Variants in SPON1 observed in about 807,000 individuals in gnomAD.
SPON1 encodes the protein spondin 1, also known as spondin-1.
In SPON1, 52 loss-of-function variants were observed where a neutral mutation model predicts 111.7. The ratio of observed to expected loss-of-function variants is 0.47; its 90% CI spans 0.37 to 0.59. SPON1 has a LOEUF of 0.59. Among genes scored for constraint, SPON1 ranks in the 20% least tolerant of loss-of-function variants. The pLI is 0.00. For missense variants in SPON1, 957 were observed against 1,068.5 expected, an observed-to-expected ratio of 0.90 and a Z score of 1.46; for synonymous variants, 410 against 395.8, an observed-to-expected ratio of 1.04 and a Z score of -0.43.
intron 6 of SPON1, among the ~76,000 whole-genome samples, chr11:14,154,459 G>A (rs1302860598): frequency 6.6e-6 from 1 of 152,232 alleles, no homozygotes. Context: ...GCCCCGCTTA[G>A]CCATGGCTGG....
chr11:14,106,488 C>T (rs1554924933), intron 5 of SPON1, among the ~76,000 whole-genome samples: 1 of 152,150 alleles, frequency 6.6e-6, no homozygotes, highest in Non-Finnish European at 1.5e-5. Context: ...GAAGGGCCAA[C>T]TATTTATAAT....
intron 2 of SPON1, among the ~76,000 whole-genome samples, chr11:14,032,075 T>A (rs1848563055): frequency 6.6e-6 from 1 of 152,154 alleles, no homozygotes; most frequent in African/African-American, 2.4e-5. Context: ...GTGGACCAAA[T>A]AAGATGAGGT....
intron 2 of SPON1, among the ~76,000 whole-genome samples, chr11:14,024,685 A>G (rs1009341485): frequency 1.3e-5 from 2 of 152,156 alleles, no homozygotes; most frequent in African/African-American, 4.8e-5. Flanking sequence ...GTCTTGGAAA[A>G]TGCAACATTT....
intron 6 of SPON1, among the ~76,000 whole-genome samples, chr11:14,208,297 C>T (rs782243397): frequency 1.6e-4 from 25 of 151,996 alleles, no homozygotes; most frequent in African/African-American, 4.1e-4. Context: ...GTATAACAAA[C>T]GCCAGTGACA....
chr11:14,243,100 T>C (rs1189925756), intron 6 of SPON1, among the ~76,000 whole-genome samples: 2 of 152,202 alleles, frequency 1.3e-5, no homozygotes, highest in Non-Finnish European at 2.9e-5. Context: ...ACCAAAGGTG[T>C]GACTCAGTGG....
At chr11:14,207,063 G>T (rs1374687630) in intron 6 of SPON1, among the ~76,000 whole-genome samples, 1 of 152,104 alleles carries the variant, frequency 6.6e-6, no homozygotes, top group Non-Finnish European at 1.5e-5. Context: ...AGAGAATAGA[G>T]AATTCAGAAA....
intron 15 of SPON1, among the ~76,000 whole-genome samples, chr11:14,263,501 A>ATT (rs149364231): frequency 2.6e-5 from 4 of 151,340 alleles, no homozygotes; most frequent in African/African-American, 9.7e-5. Context: ...AGACTTTATG[A>ATT]TTTTTTTTTG....
At chr11:14,015,027 T>A (rs1243638492) in intron 2 of SPON1, among the ~76,000 whole-genome samples, 1 of 152,168 alleles carries the variant, frequency 6.6e-6, no homozygotes, top group Non-Finnish European at 1.5e-5. Context: ...CTTAACAGAA[T>A]TGTGGGCAGG....
chr11:14,028,039 A>G (rs1554915587), intron 2 of SPON1, among the ~76,000 whole-genome samples: 2 of 152,348 alleles, frequency 1.3e-5, no homozygotes, highest in East Asian at 3.9e-4. Context: ...ACAGTGTGTT[A>G]AATCCAGCGG....
intron 6 of SPON1, among the ~76,000 whole-genome samples, chr11:14,205,451 T>C (rs1242747717): frequency 6.6e-6 from 1 of 152,242 alleles, no homozygotes; most frequent in Non-Finnish European, 1.5e-5. Flanking sequence ...CAAACAATTT[T>C]ATTCAGAAGG....
chr11:14,066,169 T>A (rs1379151598), intron 3 of SPON1, among the ~76,000 whole-genome samples: 1 of 152,176 alleles, frequency 6.6e-6, no homozygotes, highest in Admixed American at 6.5e-5. Context: ...AAAAGTAATT[T>A]TTTAGTAACA....
intron 2 of SPON1, among the ~76,000 whole-genome samples, chr11:14,034,291 A>T (rs546111076): frequency 6.6e-6 from 1 of 152,320 alleles, no homozygotes; most frequent in Non-Finnish European, 1.5e-5. Context: ...ATATGTTTTA[A>T]TTTTCTGTCT....
intron 5 of SPON1, among the ~76,000 whole-genome samples, chr11:14,113,751 C>T (rs1318632502): frequency 1.3e-5 from 2 of 151,152 alleles, no homozygotes; most frequent in African/African-American, 2.4e-5. Flanking sequence ...TACAGGCGCC[C>T]GCCACCACGC....
At chr11:14,193,394 C>G (rs782513282) in intron 6 of SPON1, among the ~76,000 whole-genome samples, 3 of 152,182 alleles carry the variant, frequency 2.0e-5, no homozygotes, top group African/African-American at 4.8e-5. Flanking sequence ...TCATCACTGA[C>G]AGCTTGTGAA....
chr11:13,975,382 A>T (rs1472279849), intron 1 of SPON1, among the ~76,000 whole-genome samples: 4 of 152,208 alleles, frequency 2.6e-5, no homozygotes, highest in African/African-American at 9.7e-5. Flanking sequence ...TTTAAGACAA[A>T]TAAAACCTTT....
At position 14,041,712 on chromosome 11, in the gene SPON1, A is replaced by AG. The variant is rs1332629128; in HGVS notation, c.479+61dup. 1.0e-5 allele frequency: 16 copies of AG among 1,574,096 alleles called. No individual in the cohort carries two copies. In the African/African-American group the frequency reaches 1.7e-4, roughly 16 times the overall value. On this transcript the variant is annotated intron_variant, in intron 3 of 15. Transcript: ENST00000576479. ...ATCAAAGACTTTGTGGTGTGATTGCAGGGAAAAAAAAAAAAGTTCTTTACT... is the reference window on the plus strand; with the variant it reads ...ATCAAAGACTTTGTGGTGTGATTGCAGGGGAAAAAAAAAAAAGTTCTTTACT...
intron 2 of SPON1, among the ~76,000 whole-genome samples, chr11:13,995,434 A>AAGGGGG (rs1554911692): frequency 6.6e-6 from 1 of 152,132 alleles, no homozygotes; most frequent in African/African-American, 2.4e-5. Flanking sequence ...GTAGAAGGCA[A>AAGGGGG]AGGGGGAGCA....
intron 6 of SPON1, among the ~76,000 whole-genome samples, chr11:14,179,571 T>C (rs190631501): frequency 3.7e-4 from 56 of 149,506 alleles, no homozygotes; most frequent in African/African-American, 1.4e-3. Context: ...GGATGAGACA[T>C]ATCTGACTGG....
chr11:14,235,170 T>C (rs961304874), intron 6 of SPON1, among the ~76,000 whole-genome samples: 4 of 152,184 alleles, frequency 2.6e-5, no homozygotes, highest in African/African-American at 9.7e-5. Flanking sequence ...CACTTCACAC[T>C]GCGCTGGCTC....
Sources: gnomAD v4.1 joint callset for allele counts (sites outside exome capture counted in the v4.1 genomes callset) on GRCh38, gnomAD v4.1.1 for gene constraint, MANE v1.5 for transcripts, NCBI Gene and HGNC (gene_info 2026-07-23, HGNC 2026-07-21) for gene names.